The following NIBAN1 variants were observed in gnomAD, a reference collection of about 807,000 sequenced individuals.
The protein encoded by NIBAN1 is protein Niban 1.
A neutral mutation model predicts 75.1 loss-of-function variants in NIBAN1; 81 were observed. The ratio of observed to expected loss-of-function variants is 1.08; its 90% CI spans 0.90 to 1.30. The LOEUF is 1.30. Ranked by LOEUF, NIBAN1 falls within the 50% of genes most tolerant of loss-of-function variation. The pLI, the probability that NIBAN1 is intolerant of heterozygous loss-of-function variation, is 0.00. For missense variants in NIBAN1, 1,133 were observed against 1,128.1 expected, an observed-to-expected ratio of 1.00 and a Z score of -0.06; for synonymous variants, 436 against 424.8, an observed-to-expected ratio of 1.03 and a Z score of -0.32.
At chr1:184,931,713 A>C (rs1003480492) in intron 1 of NIBAN1, among the ~76,000 whole-genome samples, 2 of 152,236 alleles carry the variant, frequency 1.3e-5, no homozygotes, top group Non-Finnish European at 2.9e-5. Context: ...AGAATTGTCT[A>C]TCTTATGCCA....
intron 5 of NIBAN1, among the ~76,000 whole-genome samples, chr1:184,832,794 G>A (rs898766389): frequency 6.6e-6 from 1 of 152,124 alleles, no homozygotes; most frequent in Non-Finnish European, 1.5e-5. Context: ...TGGAACTTAA[G>A]GTGTATAGAG....
At chr1:184,881,716 T>A (rs568644910) in intron 5 of NIBAN1, among the ~76,000 whole-genome samples, 1 of 152,304 alleles carries the variant, frequency 6.6e-6, no homozygotes, top group East Asian at 1.9e-4. Flanking sequence ...CCTCCCCTTT[T>A]TAGACCATGT....
intron 6 of NIBAN1, among the ~76,000 whole-genome samples, chr1:184,827,087 G>A (rs755822538): frequency 5.3e-5 from 8 of 152,128 alleles, no homozygotes; most frequent in Non-Finnish European, 7.4e-5. Flanking sequence ...CTGCTGCCAT[G>A]TAAGATGCGC....
At position 184,905,032 on chromosome 1, in the gene NIBAN1, A is replaced by T. The variant is rs189182818; in HGVS notation, c.56-5723T>A. Among the ~76,000 whole-genome samples, 511 of 152,248 alleles carry T rather than the reference A, an allele frequency of 3.4e-3. 8 individuals are homozygous for T. In the East Asian group the frequency reaches 0.039, roughly 12 times the overall value. On this transcript the variant is annotated intron_variant, in intron 1 of 13. Coordinates refer to ENST00000367511, the MANE Select transcript of NIBAN1 (RefSeq NM_052966.4). The stretch of plus-strand genomic sequence containing the variant: ...ACAAAAACAGGAACTCTCAGCTCTT[A>T]AACAGGAACAAAAAAGTGAAAACCA...
chr1:184,932,584 T>G (rs1274467693), intron 1 of NIBAN1, among the ~76,000 whole-genome samples: 2 of 152,192 alleles, frequency 1.3e-5, no homozygotes, highest in Non-Finnish European at 2.9e-5. Flanking sequence ...CCTCCTGCTA[T>G]GAGGCCTGGT....
At chr1:184,929,410 T>A (rs1247205369) in intron 1 of NIBAN1, among the ~76,000 whole-genome samples, 1 of 152,238 alleles carries the variant, frequency 6.6e-6, no homozygotes, top group Admixed American at 6.5e-5. Context: ...TTTATTCCTA[T>A]TCAAATGTTC....
At chr1:184,900,561 G>A (rs1251547426) in intron 1 of NIBAN1, among the ~76,000 whole-genome samples, 1 of 152,200 alleles carries the variant, frequency 6.6e-6, no homozygotes, top group Non-Finnish European at 1.5e-5. Flanking sequence ...AACCATGTGG[G>A]GGAAGCTTGA....
chr1:184,946,130 A>T (rs1467333548), intron 1 of NIBAN1, among the ~76,000 whole-genome samples: 2 of 152,258 alleles, frequency 1.3e-5, no homozygotes, highest in Non-Finnish European at 2.9e-5. Flanking sequence ...TGGTTATGTT[A>T]GGCACAAAAG....
chr1:184,936,904 TA>T (rs1449301919), intron 1 of NIBAN1, among the ~76,000 whole-genome samples: 4 of 152,244 alleles, frequency 2.6e-5, no homozygotes, highest in African/African-American at 9.6e-5. Context: ...TACCCCACAT[TA>T]ATAAAACTCA....
At chr1:184,951,761 G>A (rs902423662) in intron 1 of NIBAN1, among the ~76,000 whole-genome samples, 7 of 151,906 alleles carry the variant, frequency 4.6e-5, no homozygotes, top group African/African-American at 1.7e-4. Context: ...TCCTCTCCTC[G>A]AAACTCCCCA....
chr1:184,899,049 G>T, intron 2 of NIBAN1, 130 bp downstream of exon 2: 2 of 1,002,600 alleles, frequency 2.0e-6, no homozygotes, highest in Non-Finnish European at 2.9e-6. Flanking sequence ...AGAGTTTTTT[G>T]AGCATGAAAC....
chr1:184,791,291 C>A lies in NIBAN1; in HGVS notation c.*3686G>T. On this transcript the variant is annotated 3_prime_UTR_variant, in exon 14 of 14. Transcript: ENST00000367511. ...AATGATGTCCTTCCCTTCTTCACAT[C>A]AAAATTGCTATGAATCACATATCAC... is the stretch of plus-strand genomic sequence containing the variant. The A allele has an allele frequency of 4.6e-6, 1 of 218,924 alleles. No homozygotes were observed. The highest frequency in any genetic ancestry group is 9.5e-6 in the Non-Finnish European group (1 of 105,776). 13.6% of individuals were successfully genotyped at this position (218,924 alleles called of 1,614,324 possible).
chr1:184,951,133 A>G (rs1206452579), intron 1 of NIBAN1, among the ~76,000 whole-genome samples: 3 of 152,198 alleles, frequency 2.0e-5, no homozygotes, highest in African/African-American at 7.2e-5. Context: ...CATTGGCTTC[A>G]AGGAGGACCA....
chr1:184,815,899 C>G (rs1437707974), intron 9 of NIBAN1, among the ~76,000 whole-genome samples: 1 of 152,196 alleles, frequency 6.6e-6, no homozygotes, highest in Non-Finnish European at 1.5e-5. Context: ...GAAATGTCTC[C>G]CTCATAATAG....
chr1:184,852,347 A>G (rs867895216), intron 5 of NIBAN1, among the ~76,000 whole-genome samples: 24 of 152,318 alleles, frequency 1.6e-4, no homozygotes, highest in Middle Eastern at 3.4e-3. Flanking sequence ...GGGCATGGTC[A>G]GGGGACAACA....
At chr1:184,968,257 G>A (rs948322431) in intron 1 of NIBAN1, among the ~76,000 whole-genome samples, 1 of 151,962 alleles carries the variant, frequency 6.6e-6, no homozygotes, top group Non-Finnish European at 1.5e-5. Flanking sequence ...ATCCTTCATG[G>A]CTTTGCAACA....
rs1204435664 is a variant in NIBAN1 at position 184,791,079 on chromosome 1, T to C, written c.*3898A>G. On this transcript the variant is annotated 3_prime_UTR_variant, in exon 14 of 14. Transcript: ENST00000367511. ...GAATATAGGCACCTGGCAGAGTAAA[T>C]ACATGGTTACAAAGTGTTTTAAGTT... 2.1e-6 allele frequency: 1 copy of C among 471,044 alleles called. No homozygotes were observed. The highest frequency in any genetic ancestry group is 4.4e-6 in the Non-Finnish European group (1 of 227,006). 29.2% of individuals were successfully genotyped at this position (471,044 alleles called of 1,614,324 possible).
At chr1:184,814,247 T>C (rs1454823513) in intron 9 of NIBAN1, among the ~76,000 whole-genome samples, 2 of 152,164 alleles carry the variant, frequency 1.3e-5, no homozygotes, top group African/African-American at 4.8e-5. Context: ...CATAACAAAG[T>C]TTTCTTGGAA....
At chr1:184,833,942 C>A (rs1346792287) in intron 5 of NIBAN1, among the ~76,000 whole-genome samples, 1 of 151,290 alleles carries the variant, frequency 6.6e-6, no homozygotes, top group East Asian at 1.9e-4. Context: ...ATGTGCCATG[C>A]AGGTTTGCTG....
Sources: allele counts gnomAD v4.1 joint callset (sites outside exome capture counted in the v4.1 genomes callset), GRCh38; gene constraint gnomAD v4.1.1; transcripts MANE v1.5; gene names NCBI Gene and HGNC (gene_info 2026-07-23, HGNC 2026-07-21).